Variants in THAP2 observed in about 807,000 individuals in gnomAD.
THAP2 encodes THAP domain containing 2, also known as THAP domain-containing protein 2.
In THAP2, 16 loss-of-function variants were observed where a neutral mutation model predicts 18.8. That is an observed-to-expected ratio of 0.85 (90% confidence interval 0.58 to 1.29). The LOEUF (loss-of-function observed/expected upper bound fraction) is 1.29. THAP2 is among the 50% of genes most tolerant of loss of function. THAP2 has a pLI of 0.00. For missense variants in THAP2, 251 were observed against 265.3 expected (o/e 0.95, Z 0.38); for synonymous variants, 80 against 89.2 (o/e 0.90, Z 0.58).
chr12:71,670,771 T>G (rs1471703090), intron 1 of THAP2, among the ~76,000 whole-genome samples: 1 of 151,784 alleles, frequency 6.6e-6, no homozygotes, highest in East Asian at 1.9e-4. Context: ...AAACCCCGTC[T>G]CTATTAAAAA....
chr12:71,677,073 C>CT lies in THAP2; in HGVS notation c.653dup (p.Asn219LysfsTer41). 2.5e-6 allele frequency: 4 copies of CT among 1,609,876 alleles called. No individual in the cohort carries two copies. The highest frequency in any genetic ancestry group is 3.4e-6 in the Non-Finnish European group (4 of 1,177,698). On this transcript the variant is annotated frameshift_variant, in exon 3 of 3. Transcript: ENST00000308086. LOFTEE classifies it high-confidence loss of function. ...TCAACAAGATAAAACACTGCTAAGT[C>CT]TAAATCTAAAACAGACCAAGAGTAC...
intron 1 of THAP2, among the ~76,000 whole-genome samples, chr12:71,669,821 G>A (rs1881403216): frequency 6.6e-6 from 1 of 152,018 alleles, no homozygotes; most frequent in African/African-American, 2.4e-5. Flanking sequence ...TTAGCCAGGT[G>A]TGGTGGGCAC....
chr12:71,674,622 T>C (rs1478988287), intron 2 of THAP2, among the ~76,000 whole-genome samples: 1 of 152,130 alleles, frequency 6.6e-6, no homozygotes, highest in Non-Finnish European at 1.5e-5. Context: ...TTTTACATTA[T>C]TACCCATTAT....
At chr12:71,669,994 G>T (rs1971558) in intron 1 of THAP2, among the ~76,000 whole-genome samples, 1 of 150,750 alleles carries the variant, frequency 6.6e-6, no homozygotes, top group African/African-American at 2.4e-5. Context: ...TTGTAAAATA[G>T]AAAAAATGCA....
rs1258634696 is a variant in THAP2, at chr12:71,678,891, A to G, written c.*1783A>G. The G allele has an allele frequency of 1.3e-5, 2 of 152,158 alleles. No homozygotes were observed. Among genetic ancestry groups the G allele is most frequent in the Non-Finnish European group, 2.9e-5 (2 of 68,002 alleles). 9.4% of individuals were successfully genotyped at this position (152,158 alleles called of 1,614,324 possible). ...TAGTTATTTTATCTTTATCTTAAGT[A>G]TTAGATGTAGTTCCTTGGAATTGTC... On this transcript the variant is annotated 3_prime_UTR_variant, in exon 3 of 3. Coordinates refer to ENST00000308086, the MANE Select transcript of THAP2 (RefSeq NM_031435.4).
chr12:71,665,562 C>T (rs574656927), intron 1 of THAP2: 4 of 152,322 alleles, frequency 2.6e-5, no homozygotes, highest in Admixed American at 6.5e-5. Flanking sequence ...AAAGTTCTAA[C>T]CCTCCTGGAA....
At chr12:71,665,982 T>G (rs1039937735) in intron 1 of THAP2, among the ~76,000 whole-genome samples, 2 of 152,182 alleles carry the variant, frequency 1.3e-5, no homozygotes, top group Non-Finnish European at 2.9e-5. Flanking sequence ...AACTAAACCC[T>G]TTACTCAGTT....
chr12:71,665,263 G>A (rs1350012720), intron 1 of THAP2: 2 of 295,762 alleles, frequency 6.8e-6, no homozygotes, highest in Non-Finnish European at 1.3e-5. Context: ...TTCTCTGCAA[G>A]TGCCTGCCAC....
At chr12:71,665,187 A>G (rs1565837839) in intron 1 of THAP2, 2 of 512,802 alleles carry the variant, frequency 3.9e-6, no homozygotes, top group Non-Finnish European at 6.9e-6. Flanking sequence ...GTTCTGTCAA[A>G]CCAGAACTCT....
chr12:71,667,903 G>A (rs181344686), intron 1 of THAP2: 4 of 152,268 alleles, frequency 2.6e-5, no homozygotes, highest in South Asian at 4.1e-4. Flanking sequence ...ACAACCTTAA[G>A]AGTAAAGGTA....
intron 1 of THAP2, among the ~76,000 whole-genome samples, chr12:71,668,392 T>C (rs1446802045): frequency 8.5e-5 from 13 of 152,256 alleles, no homozygotes; most frequent in Admixed American, 7.9e-4. Context: ...TGCACTGGGC[T>C]AAGCATTTAC....
In THAP2 at chr12:71,680,353, T is replaced by C. The variant is rs533625103; in HGVS notation, c.*3245T>C. On this transcript the variant is annotated 3_prime_UTR_variant, in exon 3 of 3. Coordinates refer to ENST00000308086, the MANE Select transcript of THAP2 (RefSeq NM_031435.4). ...CAGGTTACTAAAATAGGATAAATCA[T>C]GTGTCTTAAAATATGAAAATAGTAA... 32 of 152,726 alleles carry C rather than the reference T, an allele frequency of 2.1e-4. No homozygotes were observed. Among genetic ancestry groups the C allele is most frequent in the Non-Finnish European group, 4.3e-4 (29 of 68,008 alleles). 9.5% of individuals were successfully genotyped at this position (152,726 alleles called of 1,614,324 possible).
Position 71,664,515 on chromosome 12 carries a change from G to C in THAP2, c.6G>C (p.Pro2=). 6.2e-7 allele frequency: 1 copy of C among 1,614,118 alleles called. No homozygotes were observed. Among genetic ancestry groups the C allele is most frequent in the East Asian group, 2.2e-5 (1 of 44,884 alleles). ...TGAATGAGTGGGAAAGGGAAATGCC[G>C]ACCAATTGCGCTGCGGCGGGCTGTG... M[P]TNCAAAGCAT... The change falls in exon 1 of 3, where the codon CCG becomes CCC. Residue 2 remains proline, a synonymous_variant. Transcript: ENST00000308086.
At chr12:71,669,521 C>T (rs1241540958) in intron 1 of THAP2, among the ~76,000 whole-genome samples, 2 of 152,062 alleles carry the variant, frequency 1.3e-5, no homozygotes, top group South Asian at 4.1e-4. Flanking sequence ...GAGGCCCTGA[C>T]AAGAAGAAAT....
In THAP2 at chr12:71,664,554, C is replaced by G. The variant is rs1335018204; in HGVS notation, c.45C>G (p.Asn15Lys). The G allele has an allele frequency of 1.2e-6, 2 of 1,614,068 alleles. No individual in the cohort carries two copies. Among genetic ancestry groups the G allele is most frequent in the African/African-American group, 1.3e-5 (1 of 74,910 alleles). ...CGGCGGGCTGTGCCACTACCTACAACAAGCACATTAACATCAGCTTCCACA... is the reference window on the plus strand; with the variant it reads ...CGGCGGGCTGTGCCACTACCTACAAGAAGCACATTAACATCAGCTTCCACA... Reference protein sequence around the residue: ...CAAAGCATTYNKHINISFHRF... With the variant: ...CAAAGCATTYKKHINISFHRF... The change falls in exon 1 of 3, where the codon AAC (asparagine) becomes AAG (lysine). Residue 15 changes from asparagine to lysine, a missense_variant. Asn to Lys is a moderately conservative substitution (Grantham distance 94). Transcript: ENST00000308086.
At chr12:71,666,844 C>T (rs1881352314) in intron 1 of THAP2, among the ~76,000 whole-genome samples, 2 of 152,128 alleles carry the variant, frequency 1.3e-5, no homozygotes, top group Non-Finnish European at 2.9e-5. Context: ...CAGCAATTCT[C>T]CTGCCTCAGC....
In THAP2 at chr12:71,678,124, C is replaced by G. The variant is rs1007878834; in HGVS notation, c.*1016C>G. ...TCAGTTTATCTTAGACATCAGCTTG[C>G]TTTTTATCTCCTTTTTTAGTGAGTG... On this transcript the variant is annotated 3_prime_UTR_variant, in exon 3 of 3. Transcript: ENST00000308086. 4 of 152,018 alleles carry G rather than the reference C, an allele frequency of 2.6e-5. No homozygotes were observed. Among genetic ancestry groups the G allele is most frequent in the African/African-American group, 9.7e-5 (4 of 41,384 alleles). The allele number at this position is 152,018 out of a possible 1,614,324, so 9.4% of individuals were successfully genotyped here. A position where few individuals can be genotyped will look rare whatever the true frequency, so the allele number is the denominator to read the frequency against.
chr12:71,670,290 G>A (rs1342851527), intron 1 of THAP2, among the ~76,000 whole-genome samples: 1 of 152,142 alleles, frequency 6.6e-6, no homozygotes, highest in African/African-American at 2.4e-5. Flanking sequence ...ATATTTAAAG[G>A]ATAATGTAGT....
chr12:71,679,732 T>C lies in THAP2; in HGVS notation c.*2624T>C, dbSNP rs1034767893. On this transcript the variant is annotated 3_prime_UTR_variant, in exon 3 of 3. Coordinates refer to ENST00000308086, the MANE Select transcript of THAP2 (RefSeq NM_031435.4). Reference sequence around the variant, plus strand: ...CTGTAAAGTCCTTTGGTAAATGCTGTTGAATTGGAATTCAGTAAGAACTAT... The same window carrying C: ...CTGTAAAGTCCTTTGGTAAATGCTGCTGAATTGGAATTCAGTAAGAACTAT... 5.9e-5 allele frequency: 9 copies of C among 152,210 alleles called. No individual in the cohort carries two copies. The highest frequency in any genetic ancestry group is 2.2e-4 in the African/African-American group (9 of 41,464). The allele number at this position is 152,210 out of a possible 1,614,324, so 9.4% of individuals were successfully genotyped here. A position where few individuals can be genotyped will look rare whatever the true frequency, so the allele number is the denominator to read the frequency against.
Sources: gnomAD v4.1 joint callset for allele counts (sites outside exome capture counted in the v4.1 genomes callset) on GRCh38, gnomAD v4.1.1 for gene constraint, MANE v1.5 for transcripts, NCBI Gene and HGNC (gene_info 2026-07-23, HGNC 2026-07-21) for gene names.